The following ACTN4 variants were observed in gnomAD, a reference collection of about 807,000 sequenced individuals.
ACTN4 encodes alpha-actinin-4.
A neutral mutation model predicts 114.2 loss-of-function variants in ACTN4; 18 were observed. The ratio of observed to expected loss-of-function variants is 0.16; its 90% CI spans 0.11 to 0.23. The LOEUF (loss-of-function observed/expected upper bound fraction) is 0.23, where lower values mean the gene tolerates loss of function less well. Among genes scored for constraint, ACTN4 ranks in the 10% least tolerant of loss-of-function variants. The pLI is 1.00. For synonymous variants in ACTN4, 515 were observed against 506.3 expected (o/e 1.02, Z -0.23); for missense variants, 722 against 1,262.9 (o/e 0.57, Z 6.49).
chr19:38,691,797 G>A (rs1967939602), intron 1 of ACTN4, among the ~76,000 whole-genome samples: 1 of 152,120 alleles, frequency 6.6e-6, no homozygotes, highest in Admixed American at 6.5e-5. Flanking sequence ...CAGCTACTCG[G>A]GAGGCTGAGG....
chr19:38,724,617 G>A lies in ACTN4; in HGVS notation c.2010+52G>A, dbSNP rs1969170591. The A allele has an allele frequency of 6.8e-6, 11 of 1,610,488 alleles. No homozygotes were observed. The highest frequency in any genetic ancestry group is 4.4e-5 in the South Asian group (4 of 91,070). ...CTGAGAAGGTTCCAAGAGAGCTCCC[G>A]TAGTGAGGGGGTCCCCGGCCAGCCC... On this transcript the variant is annotated intron_variant, in intron 16 of 20. Coordinates refer to ENST00000252699, the MANE Select transcript of ACTN4 (RefSeq NM_004924.6). The surrounding 1 kb of genome is among the most constrained non-coding windows in gnomAD (Gnocchi z 7.0).
Position 38,704,674 on chromosome 19 carries a change from T to G in ACTN4, c.398-260T>G, listed in dbSNP as rs2287729. Among the ~76,000 whole-genome samples, 59,184 of 151,696 alleles carry G rather than the reference T, an allele frequency of 0.39. 12,358 individuals are homozygous for G. Among genetic ancestry groups the G allele is most frequent in the Non-Finnish European group, 0.46 (31,473 of 67,734 alleles). On this transcript the variant is annotated intron_variant, in intron 3 of 20. Transcript: ENST00000252699. Reference sequence around the variant, plus strand: ...TTTGAGTTGGGTCAGGAGAAGGAGCTGGCTGCGGGGCCAGGGACCCTTGTG... The same window carrying G: ...TTTGAGTTGGGTCAGGAGAAGGAGCGGGCTGCGGGGCCAGGGACCCTTGTG...
At chr19:38,651,191 C>T (rs1453319514) in intron 1 of ACTN4, among the ~76,000 whole-genome samples, 1 of 152,200 alleles carries the variant, frequency 6.6e-6, no homozygotes, top group African/African-American at 2.4e-5. Context: ...CAGCTGTAGG[C>T]CCTCAAAGTG....
intron 8 of ACTN4, 75 bp downstream of exon 8, chr19:38,710,417 C>T: frequency 6.7e-7 from 1 of 1,483,180 alleles, no homozygotes; most frequent in Non-Finnish European, 9.3e-7. Flanking sequence ...CTCCCGTGCT[C>T]ACCTCATTTC....
chr19:38,692,699 G>A (rs1326406181), intron 1 of ACTN4, among the ~76,000 whole-genome samples: 1 of 152,188 alleles, frequency 6.6e-6, no homozygotes, highest in Non-Finnish European at 1.5e-5. Flanking sequence ...TCTGGCAATA[G>A]CCTGCCAGAT....
chr19:38,648,304 GCTGAGAAGGGAATTTCTGGGT>G (rs991465278), intron 1 of ACTN4: 1 of 172,192 alleles, frequency 5.8e-6, no homozygotes, highest in Non-Finnish European at 1.2e-5. Flanking sequence ...ATCAGGGGAG[GCTGAGAAGGGAATTTCTGGGT>G]CTGGGAAGTG....
At chr19:38,718,837 G>A (rs527461938) in intron 11 of ACTN4, among the ~76,000 whole-genome samples, 31 of 152,322 alleles carry the variant, frequency 2.0e-4, no homozygotes, top group African/African-American at 4.3e-4. Context: ...GAGCGTGGAC[G>A]GAAGGCTGGG....
chr19:38,686,483 T>G (rs1967747037), intron 1 of ACTN4, among the ~76,000 whole-genome samples: 1 of 152,078 alleles, frequency 6.6e-6, no homozygotes, highest in Non-Finnish European at 1.5e-5. Context: ...GCCTGATCAT[T>G]TCATAGCAAA....
chr19:38,662,403 C>G (rs944313722), intron 1 of ACTN4, among the ~76,000 whole-genome samples: 2 of 152,266 alleles, frequency 1.3e-5, no homozygotes, highest in Non-Finnish European at 2.9e-5. Flanking sequence ...AAAATCGCCC[C>G]GTGGGTAGAG....
chr19:38,731,355 G>T lies in ACTN4; in HGVS notation c.*1923G>T. 1.4e-6 allele frequency: 1 copy of T among 704,194 alleles called. No homozygotes were observed. Among genetic ancestry groups the T allele is most frequent in the South Asian group, 1.6e-5 (1 of 61,996 alleles). The allele number at this position is 704,194 out of a possible 1,614,324, so 43.6% of individuals were successfully genotyped here. On this transcript the variant is annotated 3_prime_UTR_variant, in exon 21 of 21. Coordinates refer to ENST00000252699, the MANE Select transcript of ACTN4 (RefSeq NM_004924.6). ...ACCCCAACTCTGCCCCATCCCGGCAGGGTGAGTACAGGCTGATCCCTTCAA... is the reference window on the plus strand; with the variant it reads ...ACCCCAACTCTGCCCCATCCCGGCATGGTGAGTACAGGCTGATCCCTTCAA...
intron 1 of ACTN4, among the ~76,000 whole-genome samples, chr19:38,685,682 G>A (rs928782143): frequency 5.3e-5 from 8 of 152,192 alleles, no homozygotes; most frequent in Non-Finnish European, 1.0e-4. Flanking sequence ...GCCCAAGTCT[G>A]TGGGGGCTGT....
chr19:38,712,756 C>T (rs1445775786), intron 8 of ACTN4, among the ~76,000 whole-genome samples: 2 of 152,154 alleles, frequency 1.3e-5, no homozygotes, highest in African/African-American at 2.4e-5. Context: ...CTCACCCCTA[C>T]GGGCCCCGAA....
chr19:38,686,611 TCTC>T (rs1447777421), intron 1 of ACTN4, among the ~76,000 whole-genome samples: 4 of 152,190 alleles, frequency 2.6e-5, no homozygotes, highest in African/African-American at 4.8e-5. Flanking sequence ...GGCCTCACCA[TCTC>T]CTCCTCCTGG....
At position 38,729,744 on chromosome 19, in the gene ACTN4, C is replaced by T; in HGVS notation, c.*312C>T. On this transcript the variant is annotated 3_prime_UTR_variant, in exon 21 of 21. Coordinates refer to ENST00000252699, the MANE Select transcript of ACTN4 (RefSeq NM_004924.6). The stretch of plus-strand genomic sequence containing the variant: ...CACAGCACAACCGGTCCCTTCCATG[C>T]CCTGGGATGCCTCACCACACCCAGG... 1 of 559,532 alleles carries T rather than the reference C, an allele frequency of 1.8e-6. No individual in the cohort carries two copies. Among genetic ancestry groups the T allele is most frequent in the South Asian group, 1.5e-5 (1 of 64,934 alleles). 34.7% of individuals were successfully genotyped at this position (559,532 alleles called of 1,614,324 possible).
intron 1 of ACTN4, among the ~76,000 whole-genome samples, chr19:38,677,200 AC>A: frequency 6.6e-6 from 1 of 151,302 alleles, no homozygotes; most frequent in East Asian, 1.9e-4. Flanking sequence ...CATGTCCATC[AC>A]CTCTACTTCT....
intron 1 of ACTN4, among the ~76,000 whole-genome samples, chr19:38,656,748 A>C (rs937094868): frequency 1.3e-5 from 2 of 152,134 alleles, no homozygotes; most frequent in Non-Finnish European, 2.9e-5. Context: ...AATAAAGAAG[A>C]CTTTGTGGTT....
At chr19:38,698,442 C>G (rs922991366) in intron 1 of ACTN4, among the ~76,000 whole-genome samples, 6 of 152,138 alleles carry the variant, frequency 3.9e-5, no homozygotes, top group Non-Finnish European at 7.4e-5. Flanking sequence ...CCTTGGCTCC[C>G]CTCCCCTCAA....
At chr19:38,673,690 A>ATATATAC in intron 1 of ACTN4, among the ~76,000 whole-genome samples, 1 of 68,556 alleles carries the variant, frequency 1.5e-5, no homozygotes, top group South Asian at 4.5e-4. Context: ...ATTTATATAT[A>ATATATAC]TTATATATAT....
intron 1 of ACTN4, among the ~76,000 whole-genome samples, chr19:38,649,365 G>A (rs866566605): frequency 6.9e-6 from 1 of 143,896 alleles, no homozygotes; most frequent in Middle Eastern, 3.6e-3. Flanking sequence ...GGTGTGTGTG[G>A]GGGGAAGGGG....
Sources: gnomAD v4.1 joint callset for allele counts (sites outside exome capture counted in the v4.1 genomes callset) on GRCh38, gnomAD v4.1.1 for gene constraint, Gnocchi (gnomAD v3.1) non-coding constraint, MANE v1.5 for transcripts, NCBI Gene and HGNC (gene_info 2026-07-23, HGNC 2026-07-21) for gene names.